The following AGPAT5 variants were observed in gnomAD, a reference collection of about 807,000 sequenced individuals.
AGPAT5 encodes the protein 1-acyl-sn-glycerol-3-phosphate acyltransferase epsilon.
AGPAT5 carries 46 observed loss-of-function variants against 45.6 expected under a neutral mutation model. That is an observed-to-expected ratio of 1.01 (90% confidence interval 0.80 to 1.29). The LOEUF (loss-of-function observed/expected upper bound fraction) is 1.29. AGPAT5 is among the 50% of genes most tolerant of loss of function. The pLI is 0.00. For synonymous variants in AGPAT5, 272 were observed against 167.0 expected (o/e 1.63, Z -4.85); for missense variants, 673 against 450.7 (o/e 1.49, Z -4.47).
At chr8:6,740,910 G>C (rs1160170087) in intron 4 of AGPAT5, among the ~76,000 whole-genome samples, 1 of 152,044 alleles carries the variant, frequency 6.6e-6, no homozygotes, top group Non-Finnish European at 1.5e-5. Context: ...TTTGTCTTTT[G>C]GCTGTCAATC....
intron 6 of AGPAT5, among the ~76,000 whole-genome samples, chr8:6,752,252 C>T (rs1269813340): frequency 6.6e-6 from 1 of 152,142 alleles, no homozygotes; most frequent in Non-Finnish European, 1.5e-5. Flanking sequence ...GTTCACCTGT[C>T]CAGCGGTAAC....
In AGPAT5 at chr8:6,732,665, G is replaced by A. The variant is rs373334231; in HGVS notation, c.495+15G>A. The A allele has an allele frequency of 4.5e-5, 71 of 1,571,136 alleles. No individual in the cohort carries two copies. The African/African-American group carries it at 5.4e-4, about 12-fold the overall frequency. On this transcript the variant is annotated intron_variant, in intron 4 of 7. Coordinates refer to ENST00000285518, the MANE Select transcript of AGPAT5 (RefSeq NM_018361.5). Reference sequence around the variant, plus strand: ...CAGGAACTCCAGTAAGAGCCTACCCGTTTTTATTTTTCTTACCAGCTCTCA... The same window carrying A: ...CAGGAACTCCAGTAAGAGCCTACCCATTTTTATTTTTCTTACCAGCTCTCA...
chr8:6,725,531 A>G (rs1236133597), intron 2 of AGPAT5, among the ~76,000 whole-genome samples: 1 of 152,222 alleles, frequency 6.6e-6, no homozygotes, highest in East Asian at 1.9e-4. Flanking sequence ...TAGAGTCCCA[A>G]GAATTTGCAA....
chr8:6,747,358 G>A (rs1032304920), intron 5 of AGPAT5, among the ~76,000 whole-genome samples: 1 of 152,232 alleles, frequency 6.6e-6, no homozygotes, highest in Non-Finnish European at 1.5e-5. Flanking sequence ...TCAGTGGCCA[G>A]AAGCGAGGGC....
intron 3 of AGPAT5, 26 bp from the exon 4 acceptor site, chr8:6,732,535 T>A (rs1800897017): frequency 6.4e-7 from 1 of 1,567,950 alleles, no homozygotes; most frequent in Non-Finnish European, 8.6e-7. Context: ...AAGTAAATGC[T>A]CTTTCTCCCG....
intron 5 of AGPAT5, among the ~76,000 whole-genome samples, chr8:6,742,966 C>T (rs980105625): frequency 1.5e-4 from 23 of 152,158 alleles, no homozygotes; most frequent in African/African-American, 5.6e-4. Context: ...TTGCCCTTTT[C>T]ACATTTATTA....
intron 1 of AGPAT5, among the ~76,000 whole-genome samples, chr8:6,715,708 C>G (rs1800305936): frequency 6.6e-6 from 1 of 152,142 alleles, no homozygotes; most frequent in Non-Finnish European, 1.5e-5. Context: ...CTAGGAAAGA[C>G]ATGAACTGCC....
intron 5 of AGPAT5, among the ~76,000 whole-genome samples, chr8:6,742,995 C>G (rs1475642637): frequency 2.0e-5 from 3 of 152,190 alleles, no homozygotes; most frequent in South Asian, 2.1e-4. Context: ...AAAACAAAAA[C>G]CACTCTCGAA....
chr8:6,726,329 C>G (rs1353766927), intron 2 of AGPAT5, among the ~76,000 whole-genome samples: 2 of 152,174 alleles, frequency 1.3e-5, no homozygotes, highest in Non-Finnish European at 2.9e-5. Flanking sequence ...TTTGATTTTC[C>G]TGCATTTCCT....
intron 5 of AGPAT5, 39 bp downstream of exon 5, chr8:6,741,790 A>G (rs1417919074): frequency 1.4e-6 from 2 of 1,474,272 alleles, no homozygotes; most frequent in East Asian, 2.3e-5. Context: ...ATAATTTTCA[A>G]AGATAATAAC....
intron 4 of AGPAT5, among the ~76,000 whole-genome samples, chr8:6,736,799 T>C (rs966814134): frequency 1.3e-5 from 2 of 152,258 alleles, no homozygotes; most frequent in African/African-American, 4.8e-5. Context: ...ACCTCTCATT[T>C]ACTTTCACCC....
At chr8:6,752,962 G>C (rs1033359376) in intron 6 of AGPAT5, among the ~76,000 whole-genome samples, 1 of 152,150 alleles carries the variant, frequency 6.6e-6, no homozygotes, top group Admixed American at 6.5e-5. Context: ...GGACTTGGCT[G>C]TTATAGCCCC....
intron 6 of AGPAT5, among the ~76,000 whole-genome samples, chr8:6,752,826 G>A (rs1801702226): frequency 6.6e-6 from 1 of 152,078 alleles, no homozygotes; most frequent in African/African-American, 2.4e-5. Flanking sequence ...AAACCTATAG[G>A]AAGTATTTAT....
chr8:6,725,996 T>A (rs1196301954), intron 2 of AGPAT5, among the ~76,000 whole-genome samples: 2 of 152,228 alleles, frequency 1.3e-5, no homozygotes, highest in Non-Finnish European at 2.9e-5. Context: ...GAATTAATGA[T>A]TACATTCAGA....
intron 1 of AGPAT5, 58 bp downstream of exon 1, chr8:6,708,945 C>A (rs7844815): frequency 6.7e-7 from 1 of 1,493,584 alleles, no homozygotes; most frequent in Non-Finnish European, 9.1e-7. Context: ...GGGGCGCGGA[C>A]CTCTCCGCTC....
rs1801905173 is a variant in AGPAT5 at position 6,758,087 on chromosome 8, CTG to C, written c.*700_*701del. 1 of 152,204 alleles carries C rather than the reference CTG, an allele frequency of 6.6e-6. No homozygotes were observed. Among genetic ancestry groups the C allele is most frequent in the African/African-American group, 2.4e-5 (1 of 41,442 alleles). 9.4% of individuals were successfully genotyped at this position (152,204 alleles called of 1,614,324 possible). A position where few individuals can be genotyped will look rare whatever the true frequency, so the allele number is the denominator to read the frequency against. ...GAGAACGAAGTTTAAAATTGTGACT[CTG>C]ATTCATTATAGCAGAACTTTAAATT... On this transcript the variant is annotated 3_prime_UTR_variant, in exon 8 of 8. Transcript: ENST00000285518.
At chr8:6,749,311 G>C (rs1801575964) in intron 6 of AGPAT5, among the ~76,000 whole-genome samples, 1 of 152,034 alleles carries the variant, frequency 6.6e-6, no homozygotes, top group Admixed American at 6.5e-5. Flanking sequence ...ATAAAAATTG[G>C]TTATGGTCGA....
rs956005258 is a variant in AGPAT5 at position 6,760,687 on chromosome 8, G to C, written c.*3299G>C. On this transcript the variant is annotated 3_prime_UTR_variant, in exon 8 of 8. Coordinates refer to ENST00000285518, the MANE Select transcript of AGPAT5 (RefSeq NM_018361.5). The stretch of plus-strand genomic sequence containing the variant: ...TTTGCATGGCTTGCTTTATAAACAA[G>C]ATTTTTTCTCCCTCCTTTTGGGCCA... Among the ~76,000 whole-genome samples, 1 of 152,142 alleles carries C rather than the reference G, an allele frequency of 6.6e-6. No homozygotes were observed. The highest frequency in any genetic ancestry group is 2.4e-5 in the African/African-American group (1 of 41,434).
At chr8:6,717,977 C>T (rs1438584434) in intron 1 of AGPAT5, among the ~76,000 whole-genome samples, 1 of 152,120 alleles carries the variant, frequency 6.6e-6, no homozygotes, top group African/African-American at 2.4e-5. Context: ...ATTTCTCTGC[C>T]ATTCCGTATG....
Sources: allele counts gnomAD v4.1 joint callset (sites outside exome capture counted in the v4.1 genomes callset), GRCh38; gene constraint gnomAD v4.1.1; transcripts MANE v1.5; gene names NCBI Gene and HGNC (gene_info 2026-07-23, HGNC 2026-07-21).